CCDC102B: variants seen among roughly 807,000 people sequenced by gnomAD.
CCDC102B encodes coiled-coil domain containing 102B.
A neutral mutation model predicts 57.4 loss-of-function variants in CCDC102B; 75 were observed. That is an observed-to-expected ratio of 1.31 (90% CI 1.08 to 1.58). The LOEUF (loss-of-function observed/expected upper bound fraction) is 1.58. CCDC102B is among the 40% of genes most tolerant of loss of function. The pLI, the probability that CCDC102B is intolerant of heterozygous loss-of-function variation, is 0.00. For missense variants in CCDC102B, 636 were observed against 582.6 expected (o/e 1.09, Z -0.94); for synonymous variants, 206 against 201.9 (o/e 1.02, Z -0.17).
intron 2 of CCDC102B, among the ~76,000 whole-genome samples, chr18:68,759,428 T>C (rs1396359425): frequency 6.6e-6 from 1 of 152,088 alleles, no homozygotes; most frequent in African/African-American, 2.4e-5. Context: ...TTACCTGCAT[T>C]AACAGCATCT....
chr18:69,053,025 G>A (rs1212931021), intron 7 of CCDC102B, among the ~76,000 whole-genome samples: 2 of 151,802 alleles, frequency 1.3e-5, no homozygotes, highest in Admixed American at 6.6e-5. Flanking sequence ...ATCTGCAGAA[G>A]GTCTTGGAAC....
chr18:68,887,227 G>A (rs576159838), intron 5 of CCDC102B, among the ~76,000 whole-genome samples: 21 of 152,266 alleles, frequency 1.4e-4, no homozygotes, highest in Admixed American at 1.3e-3. Flanking sequence ...CTTTGTGGAG[G>A]TGAGAGAATT....
At chr18:69,028,449 T>A (rs1487430372) in intron 7 of CCDC102B, among the ~76,000 whole-genome samples, 1 of 152,102 alleles carries the variant, frequency 6.6e-6, no homozygotes, top group Non-Finnish European at 1.5e-5. Context: ...ATTTAAACAT[T>A]ATTTGGCAGG....
chr18:68,901,488 G>A (rs1438891919), intron 6 of CCDC102B, among the ~76,000 whole-genome samples: 3 of 152,018 alleles, frequency 2.0e-5, no homozygotes, highest in East Asian at 1.9e-4. Context: ...CAGAAGGGGG[G>A]CCAAGAAGGA....
At chr18:68,721,849 A>G (rs528596898) in intron 2 of CCDC102B, among the ~76,000 whole-genome samples, 2 of 152,350 alleles carry the variant, frequency 1.3e-5, no homozygotes, top group Admixed American at 1.3e-4. Context: ...AGCAAAAGCG[A>G]AAGTAAGTTC....
chr18:68,854,819 T>C (rs12326232), intron 4 of CCDC102B, among the ~76,000 whole-genome samples: 4,035 of 152,278 alleles, frequency 0.026, 186 homozygotes, highest in African/African-American at 0.091. Context: ...GAAGGAAAGT[T>C]GCTGAGAATT....
chr18:68,902,684 C>T (rs1340713649), intron 6 of CCDC102B, among the ~76,000 whole-genome samples: 1 of 152,174 alleles, frequency 6.6e-6, no homozygotes, highest in Non-Finnish European at 1.5e-5. Flanking sequence ...CAGCCCTTCT[C>T]ATGAAGCCTG....
chr18:68,915,816 T>C (rs3956112), intron 6 of CCDC102B, among the ~76,000 whole-genome samples: 140,465 of 152,272 alleles, frequency 0.92, 64,844 homozygotes, highest in East Asian at 0.99. Flanking sequence ...TCAGTCGGTG[T>C]TTAGTTTTAA....
chr18:68,978,062 G>A (rs1391857177), intron 6 of CCDC102B, among the ~76,000 whole-genome samples: 1 of 152,020 alleles, frequency 6.6e-6, no homozygotes, highest in Non-Finnish European at 1.5e-5. Context: ...CAGTCAGACT[G>A]TAAGCACACA....
At position 68,725,727 on chromosome 18, in the gene CCDC102B, T is replaced by C. The variant is rs1420327856; in HGVS notation, c.-67+9133T>C. ...TCTCCCTGAATAATCCAAGATTCTC[T>C]CCATATCTTAAAGTCACCTGGTTAA... On this transcript the variant is annotated intron_variant, in intron 2 of 3. Coordinates refer to the CCDC102B transcript ENST00000578970. Among the ~76,000 whole-genome samples, 2 of 152,216 alleles carry C rather than the reference T, an allele frequency of 1.3e-5. 1 individual carries two copies. Among genetic ancestry groups the C allele is most frequent in the Non-Finnish European group, 2.9e-5 (2 of 68,046 alleles).
intron 6 of CCDC102B, among the ~76,000 whole-genome samples, chr18:68,922,660 C>T (rs1452112169): frequency 6.6e-6 from 1 of 152,074 alleles, no homozygotes; most frequent in East Asian, 1.9e-4. Flanking sequence ...CCTTCTGAAG[C>T]CTCAGGTGTT....
chr18:68,748,566 A>G (rs1289638441), intron 2 of CCDC102B, among the ~76,000 whole-genome samples: 1 of 152,164 alleles, frequency 6.6e-6, no homozygotes. Flanking sequence ...CTCCTCTATC[A>G]GCAACTTCTG....
chr18:68,805,209 A>C (rs1436618416), intron 1 of CCDC102B, among the ~76,000 whole-genome samples: 2 of 152,220 alleles, frequency 1.3e-5, no homozygotes, highest in African/African-American at 2.4e-5. Context: ...AGAGCTGAAT[A>C]AGATATGAAA....
chr18:68,720,203 T>G (rs1370127649), intron 2 of CCDC102B, among the ~76,000 whole-genome samples: 1 of 152,210 alleles, frequency 6.6e-6, no homozygotes, highest in Admixed American at 6.5e-5. Context: ...TATCCACCAA[T>G]TCTAGAATTA....
intron 6 of CCDC102B, among the ~76,000 whole-genome samples, chr18:68,958,934 T>A (rs1180022277): frequency 6.6e-6 from 1 of 152,324 alleles, no homozygotes; most frequent in Admixed American, 6.5e-5. Flanking sequence ...TGTTGAGATT[T>A]GTCAAAATAA....
intron 6 of CCDC102B, among the ~76,000 whole-genome samples, chr18:68,999,855 T>C (rs1189061251): frequency 6.6e-6 from 1 of 152,176 alleles, no homozygotes; most frequent in African/African-American, 2.4e-5. Flanking sequence ...TTTTCATACT[T>C]ATCACTAGAA....
chr18:68,744,322 A>G (rs2033528624), intron 2 of CCDC102B, among the ~76,000 whole-genome samples: 1 of 152,184 alleles, frequency 6.6e-6, no homozygotes, highest in Non-Finnish European at 1.5e-5. Context: ...CAAAATCAAT[A>G]CTAACAACTA....
intron 5 of CCDC102B, among the ~76,000 whole-genome samples, chr18:68,878,539 G>A (rs1202608419): frequency 1.3e-5 from 2 of 151,946 alleles, no homozygotes; most frequent in African/African-American, 2.4e-5. Context: ...AAGTTATGAG[G>A]GCAATTAGAA....
intron 6 of CCDC102B, among the ~76,000 whole-genome samples, chr18:68,926,823 T>G (rs2041489797): frequency 6.6e-6 from 1 of 151,960 alleles, no homozygotes; most frequent in African/African-American, 2.4e-5. Context: ...TCATCATTCT[T>G]TATGGAATAT....
Sources: allele counts gnomAD v4.1 joint callset (sites outside exome capture counted in the v4.1 genomes callset), GRCh38; gene constraint gnomAD v4.1.1; transcripts MANE v1.5; gene names NCBI Gene and HGNC (gene_info 2026-07-23, HGNC 2026-07-21).